The following ACOX1 variants were observed in gnomAD, a reference collection of about 807,000 sequenced individuals.
ACOX1 encodes peroxisomal acyl-coenzyme A oxidase 1.
In ACOX1, 41 loss-of-function variants were observed where a neutral mutation model predicts 75.5. The ratio of observed to expected loss-of-function variants is 0.54; its 90% CI spans 0.42 to 0.70. The LOEUF (loss-of-function observed/expected upper bound fraction) is 0.70, where lower values mean the gene tolerates loss of function less well. ACOX1 is among the 30% of genes least tolerant of loss of function. The pLI is 0.00. For missense variants in ACOX1, 630 were observed against 837.5 expected (o/e 0.75, Z 3.06); for synonymous variants, 303 against 298.8 (o/e 1.01, Z -0.15).
intron 2 of ACOX1, among the ~76,000 whole-genome samples, chr17:75,974,423 C>G (rs1182680769): frequency 6.6e-6 from 1 of 152,210 alleles, no homozygotes; most frequent in Non-Finnish European, 1.5e-5. Context: ...CGGATTAACT[C>G]TACATCACAT....
In ACOX1 at chr17:75,948,488, A is replaced by C. The variant is rs12051891; in HGVS notation, c.1729-31T>G. The C allele has an allele frequency of 0.082, 125,309 of 1,520,980 alleles. 6,733 individuals are homozygous for C. The highest frequency in any genetic ancestry group is 0.26 in the African/African-American group (19,170 of 72,638). The allele number at this position is 1,520,980 out of a possible 1,614,324, so 94.2% of individuals were successfully genotyped here. On this transcript the variant is annotated intron_variant, in intron 12 of 13. Transcript: ENST00000293217. ...AGAGACCAAAATAAGTAAATAAAAC[A>C]TATATATGTATATAGATAGACATAA...
intron 2 of ACOX1, among the ~76,000 whole-genome samples, chr17:75,975,451 G>T (rs1357059218): frequency 6.6e-6 from 1 of 152,212 alleles, no homozygotes; most frequent in Non-Finnish European, 1.5e-5. Flanking sequence ...GAGCCACCAT[G>T]CCCCAGTCCC....
intron 2 of ACOX1, among the ~76,000 whole-genome samples, chr17:75,977,423 G>A (rs1224415127): frequency 6.6e-6 from 1 of 151,932 alleles, no homozygotes; most frequent in Non-Finnish European, 1.5e-5. Flanking sequence ...AAAATTAGCC[G>A]GGTGTGGTGG....
chr17:75,948,825 C>G (rs545348780), intron 12 of ACOX1, among the ~76,000 whole-genome samples: 1 of 151,500 alleles, frequency 6.6e-6, no homozygotes, highest in South Asian at 2.1e-4. Flanking sequence ...GTTGGGATTA[C>G]AGGCATGAGC....
rs780475160 is a variant in ACOX1, at chr17:75,949,759, G to GCCC, written c.1436_1437insGGG (p.Ser479delinsArgGly). On this transcript the variant is annotated protein_altering_variant, in exon 10 of 14. Transcript: ENST00000293217. ...TATATGCTTCGGTTAGGCTTTCGGG[G>GCCC]CTGTTGATATCCACCATGGTTGGCC... is the stretch of plus-strand genomic sequence containing the variant. The GCCC allele has an allele frequency of 1.7e-5, 28 of 1,614,004 alleles. No individual in the cohort carries two copies. Among genetic ancestry groups the GCCC allele is most frequent in the Non-Finnish European group, 5.9e-6 (7 of 1,180,030 alleles).
intron 2 of ACOX1, among the ~76,000 whole-genome samples, chr17:75,974,587 G>C (rs1253577583): frequency 1.3e-5 from 2 of 152,126 alleles, no homozygotes; most frequent in Non-Finnish European, 2.9e-5. Context: ...TCATCTAACT[G>C]ATCTTCACGA....
chr17:75,950,742 C>G lies in ACOX1; in HGVS notation c.1298+32G>C. 6.2e-7 allele frequency: 1 copy of G among 1,605,270 alleles called. No individual in the cohort carries two copies. The highest frequency in any genetic ancestry group is 8.5e-7 in the Non-Finnish European group (1 of 1,172,390). The stretch of plus-strand genomic sequence containing the variant: ...AAAAGGACTAGAACATTCTTATGAA[C>G]AGATGGGAGGAATCGAGGATTTGAC... On this transcript the variant is annotated intron_variant, in intron 9 of 13. Coordinates refer to ENST00000293217, the MANE Select transcript of ACOX1 (RefSeq NM_004035.7). The surrounding 1 kb of genome is among the most constrained non-coding windows in gnomAD (Gnocchi z 4.3).
At chr17:75,975,982 G>A (rs1177517695) in intron 2 of ACOX1, among the ~76,000 whole-genome samples, 1 of 152,038 alleles carries the variant, frequency 6.6e-6, no homozygotes, top group Non-Finnish European at 1.5e-5. Flanking sequence ...AAAGAAAGGT[G>A]ATGTATTTCA....
At chr17:75,967,785 G>T (rs1188842778) in intron 2 of ACOX1, among the ~76,000 whole-genome samples, 1 of 149,122 alleles carries the variant, frequency 6.7e-6, no homozygotes, top group Non-Finnish European at 1.5e-5. Context: ...CTGTCACCCA[G>T]GCTGGAGTGC....
rs944111845 is a variant in ACOX1, at chr17:75,946,933, A to G, written c.1936-138T>C. On this transcript the variant is annotated intron_variant, in intron 13 of 13. Transcript: ENST00000293217. The stretch of plus-strand genomic sequence containing the variant: ...GCTCAGGCTGGAGTGCAGTGGCACA[A>G]TCTTGGCTCACTACAGCCTCTGCCT... 7.8e-6 allele frequency: 6 copies of G among 768,738 alleles called. No homozygotes were observed. The African/African-American group carries it at 8.8e-5, about 11-fold the overall frequency. 47.6% of individuals were successfully genotyped at this position (768,738 alleles called of 1,614,324 possible).
chr17:75,960,846 C>T lies in ACOX1; in HGVS notation c.270-471G>A, dbSNP rs1039605679. On this transcript the variant is annotated intron_variant, in intron 2 of 13. Coordinates refer to ENST00000293217, the MANE Select transcript of ACOX1 (RefSeq NM_004035.7). This position sits in a 1 kb window ranked among gnomAD's most constrained non-coding sequence, Gnocchi z 4.4. ...TACAAAAATCAGCTGAACGTGGTGG[C>T]GCCAGCCAGTAGTCCCAGCTATTTG... 4.0e-5 allele frequency among the ~76,000 whole-genome samples: 6 copies of T among 150,924 alleles called. No homozygotes were observed. The South Asian group carries it at 6.3e-4, about 16-fold the overall frequency.
At chr17:75,967,368 C>G (rs1327432451) in intron 2 of ACOX1, among the ~76,000 whole-genome samples, 4 of 150,584 alleles carry the variant, frequency 2.7e-5, no homozygotes, top group Non-Finnish European at 5.9e-5. Flanking sequence ...ACTCGGGAGG[C>G]TGAGCCAGGA....
Position 75,949,267 on chromosome 17 carries a change from G to T in ACOX1, c.1678C>A (p.Leu560Met), listed in dbSNP as rs1419146482. The T allele has an allele frequency of 6.2e-7, 1 of 1,614,194 alleles. No homozygotes were observed. Among genetic ancestry groups the T allele is most frequent in the African/African-American group, 1.3e-5 (1 of 75,056 alleles). ...AIQAVLRSLC[L>M]LYSLYGISQN... is the part of the protein sequence containing the mutation. ...CTGATTCCATACAGAGAATACAGCA[G>T]ACATAAACTCCTTAAGACAGCTTGA... Residue 560 changes from leucine to methionine, a missense_variant, in exon 12 of 14, where the codon CTG (leucine) becomes ATG (methionine). Leu to Met is a conservative substitution (Grantham distance 15). Coordinates refer to ENST00000293217, the MANE Select transcript of ACOX1 (RefSeq NM_004035.7).
At chr17:75,956,046 C>A (rs1461056751) in intron 4 of ACOX1, 99 bp from the exon 5 acceptor site, 8 of 1,514,360 alleles carry the variant, frequency 5.3e-6, no homozygotes, top group South Asian at 3.4e-5. Context: ...TAACACTAGA[C>A]TAAACCAATA....
At chr17:75,957,372 C>T (rs1433583852) in intron 4 of ACOX1, 87 bp downstream of exon 4, 28 of 1,242,196 alleles carry the variant, frequency 2.3e-5, no homozygotes, top group Middle Eastern at 1.9e-4. Context: ...CAAGTCTGGC[C>T]GACATTATCA....
At chr17:75,974,719 A>C (rs879603734) in intron 2 of ACOX1, among the ~76,000 whole-genome samples, 2 of 151,744 alleles carry the variant, frequency 1.3e-5, no homozygotes, top group African/African-American at 2.4e-5. Flanking sequence ...GGGACCCTGA[A>C]ACCAAACTAC....
intron 2 of ACOX1, among the ~76,000 whole-genome samples, chr17:75,977,221 C>G (rs1193030934): frequency 6.6e-6 from 1 of 151,510 alleles, no homozygotes; most frequent in Non-Finnish European, 1.5e-5. Context: ...GTCTCGAGCT[C>G]CTGGCCTCAA....
chr17:75,953,955 A>G (rs1488934188), intron 6 of ACOX1, among the ~76,000 whole-genome samples: 1 of 152,250 alleles, frequency 6.6e-6, no homozygotes, highest in Non-Finnish European at 1.5e-5. Context: ...GTGATGGCTC[A>G]CGCCTGTAAT....
At position 75,960,281 on chromosome 17, in the gene ACOX1, G is replaced by A. The variant is rs146541521; in HGVS notation, c.364C>T (p.Arg122Cys). ...AAGTTCCAGGCGGGCATGAAGAAGC[G>A]CTCCTGCTGCTCCGCAGTTGCCTGG... is the stretch of plus-strand genomic sequence containing the variant. Reference protein sequence around the residue: ...LHQATAEQQERFFMPAWNLEI... With the variant: ...LHQATAEQQECFFMPAWNLEI... Residue 122 changes from arginine to cysteine, a missense_variant, in exon 3 of 14, where the codon CGC becomes TGC. Physicochemically the swap from Arg to Cys is radical, Grantham distance 180. Coordinates refer to ENST00000293217, the MANE Select transcript of ACOX1 (RefSeq NM_004035.7). The surrounding 1 kb of genome is among the most constrained non-coding windows in gnomAD (Gnocchi z 4.4). 48 of 1,614,068 alleles carry A rather than the reference G, an allele frequency of 3.0e-5. No homozygotes were observed. Among genetic ancestry groups the A allele is most frequent in the African/African-American group, 2.5e-4 (19 of 74,916 alleles).
Sources: gnomAD v4.1 joint callset for allele counts (sites outside exome capture counted in the v4.1 genomes callset) on GRCh38, gnomAD v4.1.1 for gene constraint, Gnocchi (gnomAD v3.1) non-coding constraint, MANE v1.5 for transcripts, NCBI Gene and HGNC (gene_info 2026-07-23, HGNC 2026-07-21) for gene names.